Variants in TRHDE observed in about 807,000 individuals in gnomAD.
TRHDE encodes thyrotropin releasing hormone degrading enzyme, also known as thyrotropin-releasing hormone-degrading ectoenzyme.
Under a neutral mutation model 125.7 loss-of-function variants are expected in TRHDE, and 72 were observed. The ratio of observed to expected loss-of-function variants is 0.57; its 90% CI spans 0.47 to 0.70. TRHDE has a LOEUF of 0.70. TRHDE is among the 30% of genes least tolerant of loss of function. The probability of loss-of-function intolerance (pLI) is 0.00; values close to 1 mark genes in which losing one functional copy is unlikely to be tolerated. For missense variants in TRHDE, 1,110 were observed against 1,327.1 expected (o/e 0.84, Z 2.54); for synonymous variants, 509 against 509.1 (o/e 1.00, Z 0.00).
At chr12:72,301,794 A>G (rs1260866449) in intron 2 of TRHDE, among the ~76,000 whole-genome samples, 1 of 152,186 alleles carries the variant, frequency 6.6e-6, no homozygotes, top group East Asian at 1.9e-4. Context: ...ATGTCTCACT[A>G]GTGAGCAAGC....
At chr12:72,311,386 G>A (rs1413619851) in intron 2 of TRHDE, among the ~76,000 whole-genome samples, 1 of 152,008 alleles carries the variant, frequency 6.6e-6, no homozygotes, top group Non-Finnish European at 1.5e-5. Context: ...GTCGTCTATG[G>A]GCAGCTGAGT....
At position 72,664,348 on chromosome 12, in the gene TRHDE, T is replaced by C. The variant is rs1209441257; in HGVS notation, c.*1153T>C. ...TTGGTCTTTTAAGTCTGTTTTGCTC[T>C]AATCCTCCATTAAGCGAGCATACCT... On this transcript the variant is annotated 3_prime_UTR_variant, in exon 19 of 19. Transcript: ENST00000261180. The C allele has an allele frequency of 6.6e-6, 1 of 152,582 alleles. No homozygotes were observed. The highest frequency in any genetic ancestry group is 6.6e-5 in the Admixed American group (1 of 15,246). The allele number at this position is 152,582 out of a possible 1,614,324, so 9.5% of individuals were successfully genotyped here.
At chr12:72,635,586 G>A (rs1873706386) in intron 15 of TRHDE, among the ~76,000 whole-genome samples, 1 of 152,058 alleles carries the variant, frequency 6.6e-6, no homozygotes, top group Admixed American at 6.5e-5. Flanking sequence ...CCGTGCCTAT[G>A]TCCTGAATGG....
intron 2 of TRHDE, among the ~76,000 whole-genome samples, chr12:72,331,094 C>G (rs906169316): frequency 3.3e-5 from 5 of 152,216 alleles, no homozygotes; most frequent in African/African-American, 1.2e-4. Flanking sequence ...ATTTGCTAAG[C>G]AATTCACATC....
chr12:72,286,676 T>C lies in TRHDE; in HGVS notation c.915-5T>C. ...TAATTGAGAATGTCATTTTCTTTTTTCCAGATTCCTTGGTGTTACTCAGTT... is the reference window on the plus strand; with the variant it reads ...TAATTGAGAATGTCATTTTCTTTTTCCCAGATTCCTTGGTGTTACTCAGTT... On this transcript the variant is annotated splice_region_variant and splice_polypyrimidine_tract_variant and intron_variant, in intron 1 of 18. Transcript: ENST00000261180. 6.2e-7 allele frequency: 1 copy of C among 1,610,536 alleles called. No homozygotes were observed. The highest frequency in any genetic ancestry group is 8.5e-7 in the Non-Finnish European group (1 of 1,178,140).
chr12:72,269,958 G>A (rs1174259159), upstream of TRHDE, among the ~76,000 whole-genome samples: 1 of 152,134 alleles, frequency 6.6e-6, no homozygotes, highest in Admixed American at 6.5e-5. Flanking sequence ...AGACTCCCCG[G>A]GATGATTCCA....
chr12:72,517,135 G>A (rs914280956), intron 6 of TRHDE, among the ~76,000 whole-genome samples: 9 of 151,620 alleles, frequency 5.9e-5, no homozygotes, highest in Non-Finnish European at 1.2e-4. Flanking sequence ...CCAGGCTTTG[G>A]TATCAGGATG....
At chr12:72,469,453 A>G (rs1187222904) in intron 3 of TRHDE, among the ~76,000 whole-genome samples, 1 of 152,176 alleles carries the variant, frequency 6.6e-6, no homozygotes, top group Non-Finnish European at 1.5e-5. Context: ...TTCCTGCTGC[A>G]TGTGGTTTCC....
chr12:72,422,665 C>T (rs1196748342), intron 3 of TRHDE, among the ~76,000 whole-genome samples: 1 of 152,052 alleles, frequency 6.6e-6, no homozygotes, highest in African/African-American at 2.4e-5. Context: ...GTTTCTGTAA[C>T]GTCTTCAGCT....
At chr12:72,103,376 A>G (rs1406646804) in intron 1 of TRHDE, among the ~76,000 whole-genome samples, 1 of 152,210 alleles carries the variant, frequency 6.6e-6, no homozygotes, top group Non-Finnish European at 1.5e-5. Flanking sequence ...TTAAAAGACT[A>G]TTAGGAGACA....
chr12:72,289,593 G>C (rs1319423102), intron 2 of TRHDE, among the ~76,000 whole-genome samples: 3 of 152,070 alleles, frequency 2.0e-5, no homozygotes. Flanking sequence ...TAACACTAAG[G>C]TTACACTCCT....
chr12:72,123,383 A>C (rs1357741394), intron 2 of TRHDE, among the ~76,000 whole-genome samples: 1 of 152,102 alleles, frequency 6.6e-6, no homozygotes, highest in Non-Finnish European at 1.5e-5. Flanking sequence ...AAAATAATAC[A>C]TTTTCATTAG....
rs201517251 is a variant in TRHDE at position 72,653,150 on chromosome 12, A to G, written c.2978A>G (p.Asn993Ser). The G allele has an allele frequency of 5.5e-5, 89 of 1,606,854 alleles. No homozygotes were observed. The highest frequency in any genetic ancestry group is 1.4e-4 in the Admixed American group (8 of 58,980). Residue 993 changes from asparagine to serine, a missense_variant, in exon 17 of 19, where the codon AAT becomes AGT. Coordinates refer to ENST00000261180, the MANE Select transcript of TRHDE (RefSeq NM_013381.3). ...KFFRDKWKIL[N>S]TRYGEALFMN... ...TTCAGGGATAAATGGAAGATATTAAATACCAGGTAGAAATTAGAATTCTTA... is the reference window on the plus strand; with the variant it reads ...TTCAGGGATAAATGGAAGATATTAAGTACCAGGTAGAAATTAGAATTCTTA...
chr12:72,336,512 T>C (rs4281517), intron 2 of TRHDE, among the ~76,000 whole-genome samples: 52,779 of 152,086 alleles, frequency 0.35, 9,896 homozygotes, highest in Non-Finnish European at 0.43. Context: ...GTGTCTGTCT[T>C]CCCCAAGAAA....
At chr12:72,546,154 A>C (rs147012168) in intron 7 of TRHDE, among the ~76,000 whole-genome samples, 416 of 151,822 alleles carry the variant, frequency 2.7e-3, no homozygotes, top group Admixed American at 6.0e-3. Flanking sequence ...CTCACATAAA[A>C]GATCTAATAA....
rs939110939 is a variant in TRHDE, at chr12:72,635,332, T to C, written c.2675+13581T>C. ...GAAGTGTCTGTTCATGTCCTTTGCC[T>C]ACTTTTTGATGGGGTTGCTTGTTTT... On this transcript the variant is annotated intron_variant, in intron 15 of 18. Coordinates refer to ENST00000261180, the MANE Select transcript of TRHDE (RefSeq NM_013381.3). Among the ~76,000 whole-genome samples, 189 of 152,276 alleles carry C rather than the reference T, an allele frequency of 1.2e-3. 1 individual carries two copies. The Middle Eastern group carries it at 0.014, about 11-fold the overall frequency.
At chr12:72,349,353 T>C (rs954228979) in intron 2 of TRHDE, among the ~76,000 whole-genome samples, 2 of 152,064 alleles carry the variant, frequency 1.3e-5, no homozygotes, top group African/African-American at 4.8e-5. Context: ...TCTGAAAATG[T>C]TAAGCATTAC....
At chr12:72,178,071 C>T (rs1004912693) in intron 2 of TRHDE, among the ~76,000 whole-genome samples, 3 of 152,108 alleles carry the variant, frequency 2.0e-5, no homozygotes, top group African/African-American at 7.2e-5. Flanking sequence ...TGATATTGAG[C>T]ACCATTAATT....
rs34217017 is a variant in TRHDE, at chr12:72,376,873, AT to A, written c.1189-1110del. Among the ~76,000 whole-genome samples the A allele has an allele frequency of 7.5e-3, 1,090 of 146,216 alleles. 7 individuals carry two copies. Among genetic ancestry groups the A allele is most frequent in the African/African-American group, 0.022 (872 of 40,470 alleles). On this transcript the variant is annotated intron_variant, in intron 2 of 18. Coordinates refer to ENST00000261180, the MANE Select transcript of TRHDE (RefSeq NM_013381.3). Reference sequence around the variant, plus strand: ...TTCACTTCTATATACTGAGTAAACCATTTTTTTTTTTTAGATATTTGAAAAG... The same window carrying A: ...TTCACTTCTATATACTGAGTAAACCATTTTTTTTTTTAGATATTTGAAAAG...
Sources: gnomAD v4.1 joint callset for allele counts (sites outside exome capture counted in the v4.1 genomes callset) on GRCh38, gnomAD v4.1.1 for gene constraint, MANE v1.5 for transcripts, NCBI Gene and HGNC (gene_info 2026-07-23, HGNC 2026-07-21) for gene names.